Variants in ZNF460 observed in about 807,000 individuals in gnomAD.
The protein encoded by ZNF460 is zinc finger protein 460, also known as zinc finger protein 272.
ZNF460 carries 1 observed loss-of-function variant against 8.4 expected under a neutral mutation model. That is an observed-to-expected ratio of 0.12 (90% CI 0.04 to 0.56). ZNF460 has a LOEUF of 0.56. Ranked by LOEUF, ZNF460 falls within the 20% of genes least tolerant of loss-of-function variation. The probability of loss-of-function intolerance (pLI) is 0.91; values close to 1 mark genes in which losing one functional copy is unlikely to be tolerated. For missense variants in ZNF460, 477 were observed against 714.8 expected (o/e 0.67, Z 3.79); for synonymous variants, 262 against 259.9 (o/e 1.01, Z -0.08).
chr19:57,283,485 T>C (rs945739730), intron 1 of ZNF460, among the ~76,000 whole-genome samples: 3 of 148,178 alleles, frequency 2.0e-5, no homozygotes, highest in African/African-American at 7.5e-5. Context: ...AGTTTTTCTT[T>C]AGTTCTTTTG....
chr19:57,290,531 GC>G (rs2087909379), intron 2 of ZNF460, among the ~76,000 whole-genome samples, 167 bp from the exon 3 acceptor site: 1 of 151,332 alleles, frequency 6.6e-6, no homozygotes, highest in Admixed American at 6.6e-5. Flanking sequence ...GCCTGCCTTG[GC>G]CTCCCAAAGT....
rs2087936249 is a variant in ZNF460 at position 57,293,835 on chromosome 19, G to C, written c.*1605G>C. The C allele has an allele frequency of 6.6e-6, 1 of 152,172 alleles. No homozygotes were observed. Among genetic ancestry groups the C allele is most frequent in the African/African-American group, 2.4e-5 (1 of 41,444 alleles). 9.4% of individuals were successfully genotyped at this position (152,172 alleles called of 1,614,324 possible). ...TTCTCAACCTTTTATGCTTGCATATGAGTAGAAACATGGAGTATTTCTCTT... is the reference window on the plus strand; with the variant it reads ...TTCTCAACCTTTTATGCTTGCATATCAGTAGAAACATGGAGTATTTCTCTT... On this transcript the variant is annotated 3_prime_UTR_variant, in exon 3 of 3. Coordinates refer to ENST00000360338, the MANE Select transcript of ZNF460 (RefSeq NM_006635.4).
Position 57,290,959 on chromosome 19 carries a change from A to G in ZNF460, c.418A>G (p.Ile140Val). 1 of 1,614,232 alleles carries G rather than the reference A, an allele frequency of 6.2e-7. No individual in the cohort carries two copies. Among genetic ancestry groups the G allele is most frequent in the Non-Finnish European group, 8.5e-7 (1 of 1,180,052 alleles). The change falls in exon 3 of 3, where the codon ATA (isoleucine) becomes GTA (valine). Residue 140 changes from isoleucine (I) to valine (V), a missense_variant. Coordinates refer to ENST00000360338, the MANE Select transcript of ZNF460 (RefSeq NM_006635.4). ...ATADGICSMM[I>V]QNQVSPEDAL... Reference sequence around the variant, plus strand: ...AGCTGATGGTATTTGTTCAATGATGATACAGAACCAAGTCTCACCAGAAGA... The same window carrying G: ...AGCTGATGGTATTTGTTCAATGATGGTACAGAACCAAGTCTCACCAGAAGA...
At chr19:57,285,862 C>T (rs1457512184) in intron 2 of ZNF460, among the ~76,000 whole-genome samples, 1 of 152,208 alleles carries the variant, frequency 6.6e-6, no homozygotes, top group Non-Finnish European at 1.5e-5. Flanking sequence ...CCTGGCACCA[C>T]ACGGGGGTGT....
Position 57,292,340 on chromosome 19 carries a change from A to C in ZNF460, c.*110A>C. 2.7e-6 allele frequency: 3 copies of C among 1,122,648 alleles called. No individual in the cohort carries two copies. Among genetic ancestry groups the C allele is most frequent in the Non-Finnish European group, 3.8e-6 (3 of 787,840 alleles). 69.5% of individuals were successfully genotyped at this position (1,122,648 alleles called of 1,614,324 possible). A position where few individuals can be genotyped will look rare whatever the true frequency, so the allele number is the denominator to read the frequency against. On this transcript the variant is annotated 3_prime_UTR_variant, in exon 3 of 3. Transcript: ENST00000360338. ...AAGAAAATCTGTGGTGAGAGGAAAC[A>C]TCTTACCATCTGGTCATTCATACTG...
rs71293946 is a variant in ZNF460, at chr19:57,281,556, A to ATTTTTTTTT, written c.30+739_30+747dup. ...AACCCTCAGTTCGTTTAACCCTGAA[A>ATTTTTTTTT]TTTTTTTTTTTTTTTTTTTTTTTTT... On this transcript the variant is annotated intron_variant, in intron 1 of 2. Coordinates refer to ENST00000360338, the MANE Select transcript of ZNF460 (RefSeq NM_006635.4). Among the ~76,000 whole-genome samples the ATTTTTTTTT allele has an allele frequency of 7.1e-5, 6 of 85,042 alleles. 1 individual carries two copies. Among genetic ancestry groups the ATTTTTTTTT allele is most frequent in the Admixed American group, 1.6e-4 (1 of 6,358 alleles). 55.8% of individuals were successfully genotyped at this position (85,042 alleles called of 152,430 possible).
intron 1 of ZNF460, among the ~76,000 whole-genome samples, chr19:57,284,079 ATTT>A (rs887850949): frequency 2.0e-5 from 3 of 151,690 alleles, no homozygotes; most frequent in African/African-American, 7.3e-5. Flanking sequence ...TATTATTATT[ATTT>A]CCCATTCCTC....
chr19:57,291,052 T>C lies in ZNF460; in HGVS notation c.511T>C (p.Tyr171His). The C allele has an allele frequency of 6.2e-7, 1 of 1,614,246 alleles. No homozygotes were observed. The highest frequency in any genetic ancestry group is 8.5e-7 in the Non-Finnish European group (1 of 1,180,042). Residue 171 changes from tyrosine (Y) to histidine (H), a missense_variant, in exon 3 of 3, where the codon TAT (tyrosine) becomes CAT (histidine). By Grantham distance (83) the Tyr-to-His change is moderately conservative. Transcript: ENST00000360338. The surrounding 1 kb of genome is among the most constrained non-coding windows in gnomAD (Gnocchi z 8.4). ...CTTGATTCATGAAGGGGAAAATTCC[T>C]ATAAATTCGAGGAAATGTTTAATGA... Reference protein sequence around the residue: ...DSLIHEGENSYKFEEMFNENC... With the variant: ...DSLIHEGENSHKFEEMFNENC...
Position 57,291,250 on chromosome 19 carries a change from T to G in ZNF460, c.709T>G (p.Ser237Ala). ...LECGKDFNRR[S>A]HLTRHQRTHN... ...GTGTGGGAAAGACTTCAACCGCAGGTCACACCTCACACGGCACCAGCGGAC... is the reference window on the plus strand; with the variant it reads ...GTGTGGGAAAGACTTCAACCGCAGGGCACACCTCACACGGCACCAGCGGAC... The change falls in exon 3 of 3, where the codon TCA (serine) becomes GCA (alanine). Residue 237 changes from serine to alanine, a missense_variant. Around this residue, in one of 5 missense-constraint regions of ZNF460, gnomAD observed 193 missense variants for 391.7 expected, o/e 0.49. Transcript: ENST00000360338. The surrounding 1 kb of genome is among the most constrained non-coding windows in gnomAD (Gnocchi z 8.4). The G allele has an allele frequency of 6.2e-7, 1 of 1,613,934 alleles. No homozygotes were observed. The highest frequency in any genetic ancestry group is 8.5e-7 in the Non-Finnish European group (1 of 1,179,996).
At chr19:57,290,641 G>C in intron 2 of ZNF460, 58 bp from the exon 3 acceptor site, 1 of 1,463,992 alleles carries the variant, frequency 6.8e-7, no homozygotes, top group Non-Finnish European at 9.3e-7. Flanking sequence ...CCAAAAAGGT[G>C]GTTTCATTTC....
intron 2 of ZNF460, among the ~76,000 whole-genome samples, chr19:57,287,302 A>G (rs763345432): frequency 6.6e-6 from 1 of 151,946 alleles, no homozygotes; most frequent in Non-Finnish European, 1.5e-5. Context: ...TTTGTCCATT[A>G]CCCTGCTGAT....
At chr19:57,288,524 G>A (rs975729518) in intron 2 of ZNF460, among the ~76,000 whole-genome samples, 1 of 152,140 alleles carries the variant, frequency 6.6e-6, no homozygotes, top group Non-Finnish European at 1.5e-5. Context: ...CCTCATCACA[G>A]CCTATGAAAC....
Position 57,280,813 on chromosome 19 carries a change from G to A in ZNF460, c.7G>A (p.Ala3Thr). ...GATCCGCGGCATTCCCGGGATGGCGGCGGCGTGGATGGCTCCGGCGCAGGT... is the reference window on the plus strand; with the variant it reads ...GATCCGCGGCATTCCCGGGATGGCGACGGCGTGGATGGCTCCGGCGCAGGT... The part of the protein sequence containing the change: MA[A>T]AWMAPAQESV... The change falls in exon 1 of 3, where the codon GCG becomes ACG. Residue 3 changes from alanine (A) to threonine (T), a missense_variant. Around this residue, in one of 5 missense-constraint regions of ZNF460, gnomAD observed 22 missense variants for 22.3 expected, o/e 0.99. Coordinates refer to ENST00000360338, the MANE Select transcript of ZNF460 (RefSeq NM_006635.4). 6.2e-7 allele frequency: 1 copy of A among 1,614,156 alleles called. No homozygotes were observed.
intron 2 of ZNF460, among the ~76,000 whole-genome samples, chr19:57,285,596 A>G (rs933634542): frequency 6.6e-6 from 1 of 152,174 alleles, no homozygotes; most frequent in Non-Finnish European, 1.5e-5. Context: ...TCATTGTGAG[A>G]TGCTGTTCGT....
Position 57,291,598 on chromosome 19 carries a change from C to G in ZNF460, c.1057C>G (p.Gln353Glu), listed in dbSNP as rs1343821824. The change falls in exon 3 of 3, where the codon CAG (glutamine) becomes GAG (glutamate). Residue 353 changes from glutamine (Q) to glutamate (E), a missense_variant. Coordinates refer to ENST00000360338, the MANE Select transcript of ZNF460 (RefSeq NM_006635.4). This position sits in a 1 kb window ranked among gnomAD's most constrained non-coding sequence, Gnocchi z 8.4. ...KAFNCRSHLK[Q>E]HERIHTGEKP... ...CTTCAACTGCAGGTCACACCTCAAG[C>G]AGCATGAGCGGATTCACACTGGTGA... is the stretch of plus-strand genomic sequence containing the variant. The G allele has an allele frequency of 6.2e-7, 1 of 1,613,244 alleles. No homozygotes were observed. The highest frequency in any genetic ancestry group is 8.5e-7 in the Non-Finnish European group (1 of 1,179,756).
Position 57,280,784 on chromosome 19 carries a change from G to C in ZNF460, c.-23G>C, listed in dbSNP as rs1414291004. 4.3e-6 allele frequency: 7 copies of C among 1,613,768 alleles called. No homozygotes were observed. The highest frequency in any genetic ancestry group is 4.5e-5 in the East Asian group (2 of 44,874). ...CCCAGGACAGAGAAGGGCTGTGGTCGGCTGATCCGCGGCATTCCCGGGATG... is the reference window on the plus strand; with the variant it reads ...CCCAGGACAGAGAAGGGCTGTGGTCCGCTGATCCGCGGCATTCCCGGGATG... On this transcript the variant is annotated 5_prime_UTR_variant, in exon 1 of 3. Transcript: ENST00000360338.
intron 1 of ZNF460, among the ~76,000 whole-genome samples, chr19:57,281,556 A>AATTTTTTTT (rs2087839568): frequency 2.1e-4 from 18 of 85,056 alleles, no homozygotes; most frequent in African/African-American, 7.3e-4. Flanking sequence ...TAACCCTGAA[A>AATTTTTTTT]TTTTTTTTTT....
At chr19:57,286,645 A>T (rs2087881422) in intron 2 of ZNF460, among the ~76,000 whole-genome samples, 2 of 152,086 alleles carry the variant, frequency 1.3e-5, no homozygotes, top group South Asian at 4.1e-4. Context: ...GCTATAACTC[A>T]TATGCTGTGT....
At position 57,284,694 on chromosome 19, in the gene ZNF460, C is replaced by T. The variant is rs1302375455; in HGVS notation, c.157+17C>T. On this transcript the variant is annotated intron_variant, in intron 2 of 2. Transcript: ENST00000360338. ...TCGCACTGGGTAAGGCCTGTCCTCT[C>T]CTCTCCAAAATCAGGGGCACCAGAA... 9.6e-6 allele frequency: 15 copies of T among 1,566,308 alleles called. No homozygotes were observed. The highest frequency in any genetic ancestry group is 1.3e-5 in the Non-Finnish European group (15 of 1,158,310).
Sources: gnomAD v4.1 joint callset for allele counts (sites outside exome capture counted in the v4.1 genomes callset) on GRCh38, gnomAD v4.1.1 for gene constraint, gnomAD v4.1.1 regional missense constraint, Gnocchi (gnomAD v3.1) non-coding constraint, MANE v1.5 for transcripts, NCBI Gene and HGNC (gene_info 2026-07-23, HGNC 2026-07-21) for gene names.